DLG2: variants seen among roughly 807,000 people sequenced by gnomAD.
DLG2 encodes the protein discs large MAGUK scaffold protein 2, also known as disks large homolog 2.
DLG2 carries 45 observed loss-of-function variants against 132.5 expected under a neutral mutation model. The ratio of observed to expected loss-of-function variants is 0.34; its 90% CI spans 0.27 to 0.44. The LOEUF (loss-of-function observed/expected upper bound fraction) is 0.44. Ranked by LOEUF, DLG2 falls within the 20% of genes least tolerant of loss-of-function variation. The probability of loss-of-function intolerance (pLI) is 1.00; values close to 1 mark genes in which losing one functional copy is unlikely to be tolerated. For missense variants in DLG2, 1,045 were observed against 1,196.9 expected, an observed-to-expected ratio of 0.87 and a Z score of 1.87; for synonymous variants, 424 against 419.6, an observed-to-expected ratio of 1.01 and a Z score of -0.13.
intron 6 of DLG2, among the ~76,000 whole-genome samples, chr11:84,984,651 T>G (rs931047596): frequency 6.6e-6 from 1 of 151,266 alleles, no homozygotes; most frequent in African/African-American, 2.4e-5. Flanking sequence ...ATCTTAATAC[T>G]AACATTGAAT....
chr11:84,216,915 T>A (rs1237430418), intron 8 of DLG2, among the ~76,000 whole-genome samples: 1 of 152,030 alleles, frequency 6.6e-6, no homozygotes, highest in Non-Finnish European at 1.5e-5. Flanking sequence ...ATCATGAAAA[T>A]ATAGTAAAAA....
intron 19 of DLG2, among the ~76,000 whole-genome samples, chr11:83,558,440 T>C (rs1183515546): frequency 6.6e-6 from 1 of 152,184 alleles, no homozygotes; most frequent in Non-Finnish European, 1.5e-5. Flanking sequence ...TATCTGTTAG[T>C]ATGGTGTTCA....
intron 7 of DLG2, among the ~76,000 whole-genome samples, chr11:84,526,466 A>G (rs2099320805): frequency 6.6e-6 from 1 of 152,188 alleles, no homozygotes; most frequent in African/African-American, 2.4e-5. Flanking sequence ...AGGAAAGAAC[A>G]TTATATAGCA....
intron 4 of DLG2, among the ~76,000 whole-genome samples, chr11:85,232,171 G>C (rs1049881216): frequency 6.6e-6 from 1 of 151,850 alleles, no homozygotes; most frequent in South Asian, 2.1e-4. Flanking sequence ...CTTGTTTCAG[G>C]GATCACAGTC....
intron 6 of DLG2, among the ~76,000 whole-genome samples, chr11:84,624,505 G>A (rs1002339950): frequency 6.6e-6 from 1 of 152,032 alleles, no homozygotes; most frequent in South Asian, 2.1e-4. Context: ...GACTACTGTA[G>A]TTATAACTCC....
At chr11:83,942,695 G>A (rs371816675) in intron 14 of DLG2, among the ~76,000 whole-genome samples, 17 of 151,938 alleles carry the variant, frequency 1.1e-4, no homozygotes, top group African/African-American at 4.1e-4. Flanking sequence ...CGGGATTATG[G>A]GTACTTTTGA....
At chr11:84,531,376 T>A (rs544930588) in intron 7 of DLG2, among the ~76,000 whole-genome samples, 21 of 152,300 alleles carry the variant, frequency 1.4e-4, no homozygotes, top group African/African-American at 4.8e-4. Flanking sequence ...TATTTGATAC[T>A]ATGCTTATTA....
At chr11:85,005,735 T>C (rs1164918081) in intron 6 of DLG2, among the ~76,000 whole-genome samples, 4 of 152,310 alleles carry the variant, frequency 2.6e-5, no homozygotes, top group East Asian at 3.9e-4. Flanking sequence ...TCTTGCCTGA[T>C]TGCCCTGGCC....
chr11:83,995,630 T>C (rs953623755), intron 11 of DLG2, among the ~76,000 whole-genome samples: 4 of 152,076 alleles, frequency 2.6e-5, no homozygotes, highest in African/African-American at 9.7e-5. Flanking sequence ...AACAGACACA[T>C]AGACAAAGGT....
At chr11:85,440,846 C>G (rs1320854656) in intron 3 of DLG2, among the ~76,000 whole-genome samples, 1 of 152,142 alleles carries the variant, frequency 6.6e-6, no homozygotes, top group Non-Finnish European at 1.5e-5. Flanking sequence ...TTCCATGAAA[C>G]ATGGGGCCTA....
chr11:85,476,442 ATAAAT>A (rs1235978833), intron 3 of DLG2, among the ~76,000 whole-genome samples: 2 of 152,108 alleles, frequency 1.3e-5, no homozygotes, highest in African/African-American at 4.8e-5. Flanking sequence ...TTTTACAATA[ATAAAT>A]TAAACTTAGC....
intron 6 of DLG2, among the ~76,000 whole-genome samples, chr11:84,934,520 G>GTTTTT (rs1277703004): frequency 2.6e-4 from 10 of 39,132 alleles, no homozygotes; most frequent in African/African-American, 1.1e-3. Context: ...TTTTTGTTTT[G>GTTTTT]TTTTGTTTTT....
chr11:85,162,538 A>G (rs1182361280), intron 4 of DLG2, among the ~76,000 whole-genome samples: 1 of 152,236 alleles, frequency 6.6e-6, no homozygotes, highest in Non-Finnish European at 1.5e-5. Flanking sequence ...TACTTTTGTT[A>G]AAAACATGTG....
At chr11:84,235,555 T>C (rs1470554638) in intron 8 of DLG2, among the ~76,000 whole-genome samples, 1 of 151,650 alleles carries the variant, frequency 6.6e-6, no homozygotes, top group African/African-American at 2.4e-5. Flanking sequence ...AAAAAAAAAA[T>C]CTCTTCCCAG....
chr11:84,217,540 T>C (rs1169932670), intron 8 of DLG2, among the ~76,000 whole-genome samples: 1 of 152,170 alleles, frequency 6.6e-6, no homozygotes, highest in Non-Finnish European at 1.5e-5. Flanking sequence ...GTCTCACATA[T>C]GTTTGTATCA....
intron 18 of DLG2, among the ~76,000 whole-genome samples, chr11:83,752,704 G>T (rs1047366358): frequency 6.6e-6 from 1 of 151,468 alleles, no homozygotes; most frequent in Non-Finnish European, 1.5e-5. Context: ...ATAGCAGTGT[G>T]AGTTTTCTCC....
At chr11:84,050,560 T>C (rs1316222684) in intron 11 of DLG2, among the ~76,000 whole-genome samples, 1 of 152,052 alleles carries the variant, frequency 6.6e-6, no homozygotes, top group Non-Finnish European at 1.5e-5. Flanking sequence ...TTGTTGCCAT[T>C]GCTTTTGGTG....
At chr11:83,846,389 CAG>C (rs2058609211) in intron 16 of DLG2, among the ~76,000 whole-genome samples, 2 of 152,182 alleles carry the variant, frequency 1.3e-5, no homozygotes, top group South Asian at 4.1e-4. Flanking sequence ...TTTGTGTACT[CAG>C]GGGAGACTTT....
intron 3 of DLG2, among the ~76,000 whole-genome samples, chr11:85,304,819 T>C (rs922943787): frequency 6.6e-6 from 1 of 152,138 alleles, no homozygotes; most frequent in African/African-American, 2.4e-5. Context: ...GCAGCATCAG[T>C]AGAAAGTTGG....
Sources: allele counts gnomAD v4.1 joint callset (sites outside exome capture counted in the v4.1 genomes callset), GRCh38; gene constraint gnomAD v4.1.1; transcripts MANE v1.5; gene names NCBI Gene and HGNC (gene_info 2026-07-23, HGNC 2026-07-21).